The following ZNF629 variants were observed in gnomAD, a reference collection of about 807,000 sequenced individuals.
The protein encoded by ZNF629 is DNA-binding protein.
ZNF629 carries 9 observed loss-of-function variants against 59.7 expected under a neutral mutation model. The ratio of observed to expected loss-of-function variants is 0.15; its 90% confidence interval spans 0.09 to 0.26. The LOEUF is 0.26. ZNF629 is among the 10% of genes least tolerant of loss of function. The pLI, the probability that ZNF629 is intolerant of heterozygous loss-of-function variation, is 1.00. For synonymous variants in ZNF629, 509 were observed against 498.9 expected (o/e 1.02, Z -0.27); for missense variants, 853 against 1,165.4 (o/e 0.73, Z 3.90).
Position 30,783,054 on chromosome 16 carries a change from C to A in ZNF629, c.1274G>T (p.Arg425Leu). The A allele has an allele frequency of 6.2e-7, 1 of 1,610,262 alleles. No individual in the cohort carries two copies. Among genetic ancestry groups the A allele is most frequent in the Non-Finnish European group, 8.5e-7 (1 of 1,179,170 alleles). Reference protein sequence around the residue: ...SNLINHQRIHRGERPYICADC... With the variant: ...SNLINHQRIHLGERPYICADC... ...GGCGCAGATGTAGGGCCGCTCGCCG[C>A]GGTGGATGCGCTGGTGGTTGATGAG... Residue 425 changes from arginine to leucine, a missense_variant, in exon 3 of 3, where the codon CGC (arginine) becomes CTC (leucine). By Grantham distance (102) the Arg-to-Leu change is moderately radical (BLOSUM62 -2). Around this residue, in one of 3 missense-constraint regions of ZNF629, gnomAD observed 201 missense variants for 536.5 expected, o/e 0.37. Coordinates refer to ENST00000262525, the MANE Select transcript of ZNF629 (RefSeq NM_001080417.3).
Position 30,781,762 on chromosome 16 carries a change from C to T in ZNF629, c.2566G>A (p.Ala856Thr). ...TGGCAGCTCCTATGGAGCAGGAGGGCTGCGACTTCTGTGAAGCCGGCTCCA... is the reference window on the plus strand; with the variant it reads ...TGGCAGCTCCTATGGAGCAGGAGGGTTGCGACTTCTGTGAAGCCGGCTCCA... ...ECGAGFTEVA[A>T]LLLHRSCHPG... The change falls in exon 3 of 3, where the codon GCC (alanine) becomes ACC (threonine). Residue 856 changes from alanine to threonine, a missense_variant. By Grantham distance (58) the Ala-to-Thr change is moderately conservative (BLOSUM62 0). Coordinates refer to ENST00000262525, the MANE Select transcript of ZNF629 (RefSeq NM_001080417.3). 6.2e-7 allele frequency: 1 copy of T among 1,612,848 alleles called. No homozygotes were observed. Among genetic ancestry groups the T allele is most frequent in the East Asian group, 2.2e-5 (1 of 44,824 alleles).
chr16:30,784,659 C>T lies in ZNF629; in HGVS notation c.-33-144G>A, dbSNP rs557062834. Reference sequence around the variant, plus strand: ...TCCTCCCACCCCATTTTTCTGGGCACGGGTTCTTGCTGTGGCCCCCTTCCC... The same window carrying T: ...TCCTCCCACCCCATTTTTCTGGGCATGGGTTCTTGCTGTGGCCCCCTTCCC... On this transcript the variant is annotated intron_variant, in intron 1 of 2. Coordinates refer to ENST00000262525, the MANE Select transcript of ZNF629 (RefSeq NM_001080417.3). 66 of 639,272 alleles carry T rather than the reference C, an allele frequency of 1.0e-4. No homozygotes were observed. In the South Asian group the frequency reaches 1.2e-3, roughly 12 times the overall value. 39.6% of individuals were successfully genotyped at this position (639,272 alleles called of 1,614,324 possible). A position where few individuals can be genotyped will look rare whatever the true frequency, so the allele number is the denominator to read the frequency against.
At position 30,781,918 on chromosome 16, in the gene ZNF629, C is replaced by T; in HGVS notation, c.2410G>A (p.Glu804Lys). ...TGATCTGTGGACAGGGTGACTGCCT[C>T]TGGAGGGGGGTCCTCGGGATTGGGG... ...KPPNPEDPPP[E>K]AVTLSTDQEG... Residue 804 changes from glutamate (E) to lysine (K), a missense_variant, in exon 3 of 3, where the codon GAG (glutamate) becomes AAG (lysine). Around this residue, in one of 3 missense-constraint regions of ZNF629, gnomAD observed 420 missense variants for 435.6 expected, o/e 0.96. Coordinates refer to ENST00000262525, the MANE Select transcript of ZNF629 (RefSeq NM_001080417.3). The T allele has an allele frequency of 6.5e-7, 1 of 1,537,084 alleles. No individual in the cohort carries two copies. The highest frequency in any genetic ancestry group is 1.3e-5 in the South Asian group (1 of 78,976).
In ZNF629 at chr16:30,781,406, AATAGGGCTTTTATCCACTATGGTTT is replaced by A; in HGVS notation, c.*287_*311del. On this transcript the variant is annotated 3_prime_UTR_variant, in exon 3 of 3. Coordinates refer to ENST00000262525, the MANE Select transcript of ZNF629 (RefSeq NM_001080417.3). ...CATATTGGGACCTCTTCCTACAATTAATAGGGCTTTTATCCACTATGGTTTATAGGGTTTTTCTGCTACAGACTTA... is the reference window on the plus strand; with the variant it reads ...CATATTGGGACCTCTTCCTACAATTAATAGGGTTTTTCTGCTACAGACTTA... The A allele has an allele frequency of 4.4e-6, 1 of 227,436 alleles. No individual in the cohort carries two copies. The highest frequency in any genetic ancestry group is 8.5e-6 in the Non-Finnish European group (1 of 118,136). The allele number at this position is 227,436 out of a possible 1,614,324, so 14.1% of individuals were successfully genotyped here.
chr16:30,784,779 TTGA>T (rs2054317863), intron 1 of ZNF629, among the ~76,000 whole-genome samples: 1 of 152,136 alleles, frequency 6.6e-6, no homozygotes, highest in Non-Finnish European at 1.5e-5. Context: ...TCATAAGCCT[TTGA>T]ACCCAGGATG....
Position 30,782,137 on chromosome 16 carries a change from G to T in ZNF629, c.2191C>A (p.Leu731Met). ...QSFGLSSELL[L>M]HQKVHAGGKS... The stretch of plus-strand genomic sequence containing the variant: ...CCGCCTGCATGGACTTTCTGGTGCA[G>T]CAGCAGCTCAGAGCTGAGGCCAAAG... Residue 731 changes from leucine (L) to methionine (M), a missense_variant, in exon 3 of 3, where the codon CTG (leucine) becomes ATG (methionine). Physicochemically the swap from Leu to Met is conservative, Grantham distance 15 (BLOSUM62 2). This residue lies in a region of ZNF629 where 420 missense variants were observed against 435.6 expected (regional missense o/e 0.96). Coordinates refer to ENST00000262525, the MANE Select transcript of ZNF629 (RefSeq NM_001080417.3). The T allele has an allele frequency of 6.2e-7, 1 of 1,612,310 alleles. No individual in the cohort carries two copies. Among genetic ancestry groups the T allele is most frequent in the South Asian group, 1.1e-5 (1 of 90,942 alleles).
Position 30,779,094 on chromosome 16 carries a change from C to A in ZNF629, c.*2624G>T. Reference sequence around the variant, plus strand: ...GTATCGAACCCTGCCCCTTTCCTACCGCAAGACGCCTGACCCTACGAACTG... The same window carrying A: ...GTATCGAACCCTGCCCCTTTCCTACAGCAAGACGCCTGACCCTACGAACTG... On this transcript the variant is annotated 3_prime_UTR_variant, in exon 3 of 3. Coordinates refer to ENST00000262525, the MANE Select transcript of ZNF629 (RefSeq NM_001080417.3). 6.6e-6 allele frequency: 1 copy of A among 152,404 alleles called. No individual in the cohort carries two copies. 9.4% of individuals were successfully genotyped at this position (152,404 alleles called of 1,614,324 possible).
chr16:30,782,899 G>T lies in ZNF629; in HGVS notation c.1429C>A (p.Arg477Ser). Residue 477 changes from arginine (R) to serine (S), a missense_variant, in exon 3 of 3, where the codon CGC becomes AGC. This residue lies in a region of ZNF629 where 201 missense variants were observed against 536.5 expected (regional missense o/e 0.37). Transcript: ENST00000262525. Reference protein sequence around the residue: ...FIRSSHLIQHRRTHTGEKPYK... With the variant: ...FIRSSHLIQHSRTHTGEKPYK... Reference sequence around the variant, plus strand: ...GGCTTCTCGCCGGTGTGCGTGCGGCGGTGCTGGATAAGGTGGGAGCTGCGG... The same window carrying T: ...GGCTTCTCGCCGGTGTGCGTGCGGCTGTGCTGGATAAGGTGGGAGCTGCGG... 6.2e-7 allele frequency: 1 copy of T among 1,613,988 alleles called. No homozygotes were observed. Among genetic ancestry groups the T allele is most frequent in the East Asian group, 2.2e-5 (1 of 44,862 alleles).
In ZNF629 at chr16:30,783,911, C is replaced by A; in HGVS notation, c.417G>T (p.Val139=). 1 of 1,595,694 alleles carries A rather than the reference C, an allele frequency of 6.3e-7. No homozygotes were observed. The highest frequency in any genetic ancestry group is 1.3e-5 in the African/African-American group (1 of 74,778). Residue 139 remains valine, a synonymous_variant, in exon 3 of 3, where the codon GTG becomes GTT. Transcript: ENST00000262525. ...TCTCCGCCCCCGCCGGGCGGCCCTG[C>A]ACCAGCTCCCGCAGGCTGGGCTCGT... is the stretch of plus-strand genomic sequence containing the variant. The part of the protein sequence containing the change: ...PANEPSLREL[V]QGRPAGAEKP...
Position 30,783,542 on chromosome 16 carries a change from G to A in ZNF629, c.786C>T (p.Tyr262=), listed in dbSNP as rs778097602. ...HQRSHTGEKP[Y]KCGECRRAFY... ...AAGCCCGGCGGCACTCGCCGCACTT[G>A]TAGGGCTTCTCGCCGGTGTGGGATC... is the stretch of plus-strand genomic sequence containing the variant. The change falls in exon 3 of 3, where the codon TAC becomes TAT. Residue 262 remains tyrosine (Y), a synonymous_variant. Transcript: ENST00000262525. 12 of 1,614,014 alleles carry A rather than the reference G, an allele frequency of 7.4e-6. No individual in the cohort carries two copies. Among genetic ancestry groups the A allele is most frequent in the Non-Finnish European group, 1.0e-5 (12 of 1,180,004 alleles).
Position 30,786,626 on chromosome 16 carries a change from C to A in ZNF629, c.-34+402G>T, listed in dbSNP as rs1222549394. 1.3e-5 allele frequency among the ~76,000 whole-genome samples: 2 copies of A among 151,892 alleles called. No individual in the cohort carries two copies. Among genetic ancestry groups the A allele is most frequent in the African/African-American group, 2.4e-5 (1 of 41,374 alleles). On this transcript the variant is annotated intron_variant, in intron 1 of 2. Transcript: ENST00000262525. This position sits in a 1 kb window ranked among gnomAD's most constrained non-coding sequence, Gnocchi z 4.8. Reference sequence around the variant, plus strand: ...ATGCGGCCGCCCGGCCCGGCCCCCCCACCGCTTGGCTCCGGACTTCTGCTC... The same window carrying A: ...ATGCGGCCGCCCGGCCCGGCCCCCCAACCGCTTGGCTCCGGACTTCTGCTC...
intron 1 of ZNF629, among the ~76,000 whole-genome samples, chr16:30,784,807 C>G (rs1264556542): frequency 6.6e-6 from 1 of 152,176 alleles, no homozygotes; most frequent in Non-Finnish European, 1.5e-5. Context: ...CTGGAGCGGT[C>G]TCTGACATCC....
rs774325141 is a variant in ZNF629, at chr16:30,783,449, G to A, written c.879C>T (p.Pro293=). 7.4e-6 allele frequency: 12 copies of A among 1,613,650 alleles called. 1 individual carries two copies. The South Asian group carries it at 1.1e-4, about 15-fold the overall frequency. Residue 293 remains proline, a synonymous_variant, in exon 3 of 3, where the codon CCC becomes CCT. Coordinates refer to ENST00000262525, the MANE Select transcript of ZNF629 (RefSeq NM_001080417.3). ...TCTGGCCGAAGCGCTTCCCGCACTC[G>A]GGGCACTTGTAGGGTTTCTCGCCTG... ...THTGEKPYKC[P]ECGKRFGQNH...
chr16:30,780,966 C>G lies in ZNF629; in HGVS notation c.*752G>C, dbSNP rs1376791314. 6.6e-6 allele frequency: 1 copy of G among 152,046 alleles called. No individual in the cohort carries two copies. The highest frequency in any genetic ancestry group is 1.9e-4 in the East Asian group (1 of 5,188). 9.4% of individuals were successfully genotyped at this position (152,046 alleles called of 1,614,324 possible). ...AAAAAGGCTTGCCAATTTGTTTTTT[C>G]TTCCCCATTTTGGGGTTTTGATAAG... On this transcript the variant is annotated 3_prime_UTR_variant, in exon 3 of 3. Transcript: ENST00000262525.
In ZNF629 at chr16:30,781,955, G is replaced by T. The variant is rs1393704383; in HGVS notation, c.2373C>A (p.Thr791=). The change falls in exon 3 of 3, where the codon ACC becomes ACA. Residue 791 remains threonine (T), a synonymous_variant. Coordinates refer to ENST00000262525, the MANE Select transcript of ZNF629 (RefSeq NM_001080417.3). ...CCTCGGGATTGGGGGGTTTTTCCTG[G>T]GTGTGGGTTTCTTGGTGCCGGGTGA... ...VALTRHQETH[T]QEKPPNPEDP... 2 of 1,546,190 alleles carry T rather than the reference G, an allele frequency of 1.3e-6. No homozygotes were observed. The highest frequency in any genetic ancestry group is 2.3e-5 in the East Asian group (1 of 44,334).
chr16:30,782,704 G>A lies in ZNF629; in HGVS notation c.1624C>T (p.Pro542Ser). Residue 542 changes from proline (P) to serine (S), a missense_variant, in exon 3 of 3, where the codon CCA becomes TCA. Physicochemically the swap from Pro to Ser is moderately conservative, Grantham distance 74. Transcript: ENST00000262525. ...HRVIHERGKTPARRAQGDSLL... is the reference protein window; with the variant it reads ...HRVIHERGKTSARRAQGDSLL... ...CTGTCGCCCTGGGCCCTACGCGCTG[G>A]GGTCTTCCCCCTCTCATGGATCACC... 1 of 1,611,810 alleles carries A rather than the reference G, an allele frequency of 6.2e-7. No homozygotes were observed. Among genetic ancestry groups the A allele is most frequent in the Non-Finnish European group, 8.5e-7 (1 of 1,179,288 alleles).
chr16:30,783,278 C>T lies in ZNF629; in HGVS notation c.1050G>A (p.Glu350=). 6.2e-7 allele frequency: 1 copy of T among 1,613,930 alleles called. No homozygotes were observed. The highest frequency in any genetic ancestry group is 1.1e-5 in the South Asian group (1 of 91,078). The part of the protein sequence containing the change: ...HTGEKPYECL[E]CGKSFGHSST... ...AGCTGTGGCCGAAGCTCTTGCCGCACTCTAGGCACTCGTAGGGCTTCTCGC... is the reference window on the plus strand; with the variant it reads ...AGCTGTGGCCGAAGCTCTTGCCGCATTCTAGGCACTCGTAGGGCTTCTCGC... Residue 350 remains glutamate, a synonymous_variant, in exon 3 of 3, where the codon GAG becomes GAA. Coordinates refer to ENST00000262525, the MANE Select transcript of ZNF629 (RefSeq NM_001080417.3).
chr16:30,785,891 T>A (rs200944083), intron 1 of ZNF629, among the ~76,000 whole-genome samples: 5 of 150,082 alleles, frequency 3.3e-5, no homozygotes, highest in African/African-American at 1.2e-4. Context: ...AATAAATAAA[T>A]AAAAACAGCC....
chr16:30,780,199 A>G lies in ZNF629; in HGVS notation c.*1519T>C, dbSNP rs895708600. 7 of 152,630 alleles carry G rather than the reference A, an allele frequency of 4.6e-5. No homozygotes were observed. The highest frequency in any genetic ancestry group is 3.9e-4 in the Admixed American group (6 of 15,292). The allele number at this position is 152,630 out of a possible 1,614,324, so 9.5% of individuals were successfully genotyped here. On this transcript the variant is annotated 3_prime_UTR_variant, in exon 3 of 3. Transcript: ENST00000262525. Reference sequence around the variant, plus strand: ...CCATCCCATCCATCTCAAGGCTGAGATTGGGCTGGATCTCACAACCCTGGA... The same window carrying G: ...CCATCCCATCCATCTCAAGGCTGAGGTTGGGCTGGATCTCACAACCCTGGA...
Sources: gnomAD v4.1 joint callset for allele counts (sites outside exome capture counted in the v4.1 genomes callset) on GRCh38, gnomAD v4.1.1 for gene constraint, gnomAD v4.1.1 regional missense constraint, Gnocchi (gnomAD v3.1) non-coding constraint, MANE v1.5 for transcripts, NCBI Gene and HGNC (gene_info 2026-07-23, HGNC 2026-07-21) for gene names.